The following CDH13 variants were observed in gnomAD, a reference collection of about 807,000 sequenced individuals.
CDH13 encodes cadherin-13.
Under a neutral mutation model 63.8 loss-of-function variants are expected in CDH13, and 24 were observed. The ratio of observed to expected loss-of-function variants is 0.38; its 90% CI spans 0.27 to 0.53. The LOEUF (loss-of-function observed/expected upper bound fraction) is 0.53, where lower values mean the gene tolerates loss of function less well. Ranked by LOEUF, CDH13 falls within the 20% of genes least tolerant of loss-of-function variation. The pLI, the probability that CDH13 is intolerant of heterozygous loss-of-function variation, is 0.85. For synonymous variants in CDH13, 503 were observed against 355.3 expected (o/e 1.42, Z -4.67); for missense variants, 1,049 against 903.1 (o/e 1.16, Z -2.07).
At chr16:83,689,859 C>T (rs1256087548) in intron 10 of CDH13, among the ~76,000 whole-genome samples, 1 of 152,182 alleles carries the variant, frequency 6.6e-6, no homozygotes, top group East Asian at 1.9e-4. Flanking sequence ...CTTTTCTAGG[C>T]ATTGGGGGAT....
chr16:82,781,302 A>G lies in CDH13; in HGVS notation c.46-77060A>G, dbSNP rs150963628. On this transcript the variant is annotated intron_variant, in intron 1 of 13. Coordinates refer to ENST00000567109, the MANE Select transcript of CDH13 (RefSeq NM_001257.5). ...CTCTATATTCGTCCAGCTTTAGGGA[A>G]ATGCAGACCACAAGGGTCCTGCCTA... Among the ~76,000 whole-genome samples the G allele has an allele frequency of 1.9e-3, 287 of 152,300 alleles. 2 individuals are homozygous for G. The highest frequency in any genetic ancestry group is 6.5e-3 in the African/African-American group (271 of 41,562).
intron 6 of CDH13, among the ~76,000 whole-genome samples, chr16:83,419,913 TC>T (rs1245858674): frequency 7.2e-5 from 7 of 97,310 alleles, no homozygotes; most frequent in East Asian, 3.9e-4. Context: ...AATCGTCCAA[TC>T]TTTTTTTTTT....
At chr16:83,480,679 C>A (rs1260241503) in intron 6 of CDH13, among the ~76,000 whole-genome samples, 6 of 152,146 alleles carry the variant, frequency 3.9e-5, no homozygotes, top group Admixed American at 2.6e-4. Flanking sequence ...TGCAGGGTGA[C>A]CACCTCATTC....
chr16:83,477,657 A>G (rs1380206903), intron 6 of CDH13, among the ~76,000 whole-genome samples: 1 of 152,184 alleles, frequency 6.6e-6, no homozygotes, highest in African/African-American at 2.4e-5. Flanking sequence ...AATGTTTCCC[A>G]TGGATGTACC....
At chr16:83,251,441 C>G (rs1905518554) in intron 5 of CDH13, among the ~76,000 whole-genome samples, 1 of 152,276 alleles carries the variant, frequency 6.6e-6, no homozygotes, top group South Asian at 2.1e-4. Flanking sequence ...TGCACAGTTA[C>G]CCAGCTGGTA....
chr16:83,108,901 C>A (rs1271761400), intron 3 of CDH13, among the ~76,000 whole-genome samples: 1 of 152,180 alleles, frequency 6.6e-6, no homozygotes, highest in Admixed American at 6.5e-5. Flanking sequence ...TTCTGCCCTG[C>A]CTCCTGGAAT....
intron 2 of CDH13, among the ~76,000 whole-genome samples, chr16:82,917,017 C>A (rs2042010085): frequency 6.6e-6 from 1 of 152,198 alleles, no homozygotes; most frequent in African/African-American, 2.4e-5. Context: ...TAAAAGTGAT[C>A]GTTGACAAAC....
Position 83,431,115 on chromosome 16 carries a change from G to C in CDH13, c.782-55362G>C, listed in dbSNP as rs9319443. Among the ~76,000 whole-genome samples, 117 of 151,820 alleles carry C rather than the reference G, an allele frequency of 7.7e-4. 1 individual carries two copies. Among genetic ancestry groups the C allele is most frequent in the African/African-American group, 2.7e-3 (110 of 41,396 alleles). On this transcript the variant is annotated intron_variant, in intron 6 of 13. Coordinates refer to ENST00000567109, the MANE Select transcript of CDH13 (RefSeq NM_001257.5). ...AGTTTACTGAGAATGATGATTTCCAGTTTCATCCATGTCCCTACAAAGGAC... is the reference window on the plus strand; with the variant it reads ...AGTTTACTGAGAATGATGATTTCCACTTTCATCCATGTCCCTACAAAGGAC...
rs535773537 is a variant in CDH13, at chr16:83,062,047, A to G, written c.366+29829A>G. Among the ~76,000 whole-genome samples the G allele has an allele frequency of 3.3e-5, 5 of 152,216 alleles. No homozygotes were observed. In the East Asian group the frequency reaches 9.6e-4, roughly 29 times the overall value. ...GAAGTATTTTAGCAAAACGGATGCT[A>G]TCAGGATGGCTGAGGCTTTAGAACC... On this transcript the variant is annotated intron_variant, in intron 3 of 13. Coordinates refer to ENST00000567109, the MANE Select transcript of CDH13 (RefSeq NM_001257.5).
chr16:83,079,703 C>T (rs2033105733), intron 3 of CDH13, among the ~76,000 whole-genome samples: 2 of 152,288 alleles, frequency 1.3e-5, no homozygotes, highest in African/African-American at 2.4e-5. Context: ...GGCATGTACG[C>T]AAATGTGTTT....
chr16:83,501,531 T>C (rs796328268), intron 7 of CDH13, among the ~76,000 whole-genome samples: 1 of 152,236 alleles, frequency 6.6e-6, no homozygotes, highest in Non-Finnish European at 1.5e-5. Flanking sequence ...GTGCTCAGCA[T>C]TGGACAGCCA....
At chr16:82,664,953 T>A (rs1164266953) in intron 1 of CDH13, among the ~76,000 whole-genome samples, 1 of 152,172 alleles carries the variant, frequency 6.6e-6, no homozygotes, top group African/African-American at 2.4e-5. Flanking sequence ...ATTCATGAAT[T>A]CTGTCTTTGT....
At chr16:82,939,325 A>C (rs1225307689) in intron 2 of CDH13, among the ~76,000 whole-genome samples, 1 of 152,132 alleles carries the variant, frequency 6.6e-6, no homozygotes, top group Non-Finnish European at 1.5e-5. Context: ...CAATAGGCTG[A>C]GACAGAAGGA....
At chr16:83,699,388 T>C (rs1905870161) in intron 10 of CDH13, among the ~76,000 whole-genome samples, 2 of 152,164 alleles carry the variant, frequency 1.3e-5, no homozygotes, top group African/African-American at 4.8e-5. Context: ...ACTAAATAAA[T>C]ATGTGATAAG....
intron 2 of CDH13, among the ~76,000 whole-genome samples, chr16:82,917,083 A>G (rs1376889112): frequency 6.6e-6 from 1 of 152,200 alleles, no homozygotes; most frequent in Admixed American, 6.5e-5. Flanking sequence ...TGTGACAGGA[A>G]AAGTTATGGG....
chr16:82,875,006 AC>A (rs1209042301), intron 2 of CDH13, among the ~76,000 whole-genome samples: 1 of 152,180 alleles, frequency 6.6e-6, no homozygotes, highest in Admixed American at 6.5e-5. Flanking sequence ...TTTTGGCCAT[AC>A]TCAAGAGGGA....
At chr16:83,345,151 G>T (rs775203646) in intron 6 of CDH13, 145 bp downstream of exon 6, 8 of 894,914 alleles carry the variant, frequency 8.9e-6, no homozygotes, top group Admixed American at 2.6e-5. Context: ...GTAGAAGCCA[G>T]GTTGGAAAGC....
chr16:82,902,674 G>A (rs1388557637), intron 2 of CDH13, among the ~76,000 whole-genome samples: 1 of 151,862 alleles, frequency 6.6e-6, no homozygotes, highest in African/African-American at 2.4e-5. Context: ...ATTACTGCTG[G>A]TGAAATGCCA....
intron 3 of CDH13, among the ~76,000 whole-genome samples, chr16:83,035,129 T>C (rs1167985059): frequency 6.6e-6 from 1 of 151,912 alleles, no homozygotes; most frequent in Non-Finnish European, 1.5e-5. Flanking sequence ...GAAAACAAAA[T>C]AGATAGCAAA....
Sources: allele counts gnomAD v4.1 joint callset (sites outside exome capture counted in the v4.1 genomes callset), GRCh38; gene constraint gnomAD v4.1.1; transcripts MANE v1.5; gene names NCBI Gene and HGNC (gene_info 2026-07-23, HGNC 2026-07-21).